Variants in NOSTRIN observed in about 807,000 individuals in gnomAD.
NOSTRIN encodes BM247 homolog.
Under a neutral mutation model 59.0 loss-of-function variants are expected in NOSTRIN, and 63 were observed. The ratio of observed to expected loss-of-function variants is 1.07; its 90% CI spans 0.87 to 1.32. The LOEUF is 1.32. Among genes scored for constraint, NOSTRIN ranks in the 40% most tolerant of loss-of-function variants. The pLI, the probability that NOSTRIN is intolerant of heterozygous loss-of-function variation, is 0.00. For synonymous variants in NOSTRIN, 200 were observed against 165.4 expected (o/e 1.21, Z -1.61); for missense variants, 512 against 473.1 (o/e 1.08, Z -0.76).
At chr2:168,839,377 C>CCTACATAACT (rs1293768317) in intron 7 of NOSTRIN, among the ~76,000 whole-genome samples, 1 of 152,030 alleles carries the variant, frequency 6.6e-6, no homozygotes, top group Non-Finnish European at 1.5e-5. Flanking sequence ...TCCAGTGGTA[C>CCTACATAACT]CTACATAACT....
intron 7 of NOSTRIN, among the ~76,000 whole-genome samples, chr2:168,835,859 G>T (rs481067): frequency 0.36 from 54,646 of 151,950 alleles, 10,430 homozygotes; most frequent in South Asian, 0.6. Context: ...ATAATATTGG[G>T]GTACAGGAAC....
At chr2:168,800,588 G>A (rs530576624), upstream of NOSTRIN, among the ~76,000 whole-genome samples, 3 of 152,270 alleles carry the variant, frequency 2.0e-5, no homozygotes, top group African/African-American at 7.2e-5. Context: ...CACACATGAG[G>A]AGTTTGGGGA....
chr2:168,854,550 C>G (rs948618487), intron 10 of NOSTRIN, among the ~76,000 whole-genome samples: 1 of 152,128 alleles, frequency 6.6e-6, no homozygotes, highest in African/African-American at 2.4e-5. Flanking sequence ...GATAAAATTC[C>G]TACATCAGCC....
chr2:168,834,083 A>T (rs1243518955), intron 6 of NOSTRIN, 144 bp from the exon 7 acceptor site: 2 of 568,626 alleles, frequency 3.5e-6, no homozygotes, highest in Non-Finnish European at 6.3e-6. Flanking sequence ...AAAAGTACAC[A>T]TTTTTGTTTC....
At chr2:168,791,091 A>G (rs760350502) in intron 2 of NOSTRIN, among the ~76,000 whole-genome samples, 2 of 152,142 alleles carry the variant, frequency 1.3e-5, no homozygotes, top group Non-Finnish European at 1.5e-5. Flanking sequence ...TGCTGCACCC[A>G]TTAACTCATC....
At chr2:168,857,639 T>C (rs984184767) in intron 12 of NOSTRIN, among the ~76,000 whole-genome samples, 9 of 152,248 alleles carry the variant, frequency 5.9e-5, no homozygotes, top group African/African-American at 1.9e-4. Context: ...TGAACAGATA[T>C]ATAGCACCAG....
intron 2 of NOSTRIN, among the ~76,000 whole-genome samples, chr2:168,791,256 C>T (rs1685344983): frequency 1.3e-5 from 2 of 152,110 alleles, no homozygotes; most frequent in Non-Finnish European, 2.9e-5. Context: ...GGTTTTTTGT[C>T]CTTGCAATAG....
chr2:168,805,077 C>T (rs976790981), intron 1 of NOSTRIN, among the ~76,000 whole-genome samples: 3 of 152,092 alleles, frequency 2.0e-5, no homozygotes, highest in African/African-American at 4.8e-5. Flanking sequence ...TTTAACCCTA[C>T]GCTACTTAAA....
chr2:168,842,117 C>G (rs1688143662), intron 7 of NOSTRIN, among the ~76,000 whole-genome samples: 1 of 152,118 alleles, frequency 6.6e-6, no homozygotes, highest in Non-Finnish European at 1.5e-5. Flanking sequence ...GAAAGTGAGA[C>G]TAATATTTTT....
intron 1 of NOSTRIN, among the ~76,000 whole-genome samples, chr2:168,809,027 T>A (rs1418868792): frequency 6.6e-6 from 1 of 152,192 alleles, no homozygotes; most frequent in Non-Finnish European, 1.5e-5. Flanking sequence ...AACATAAAAG[T>A]GTTTCATAAT....
In NOSTRIN at chr2:168,865,238, C is replaced by A. The variant is rs1689795238; in HGVS notation, c.*268C>A. 2.9e-6 allele frequency: 1 copy of A among 346,226 alleles called. No individual in the cohort carries two copies. Among genetic ancestry groups the A allele is most frequent in the Admixed American group, 4.4e-5 (1 of 22,814 alleles). The allele number at this position is 346,226 out of a possible 1,614,324, so 21.4% of individuals were successfully genotyped here. On this transcript the variant is annotated 3_prime_UTR_variant, in exon 16 of 16. Coordinates refer to ENST00000317647, the MANE Select transcript of NOSTRIN (RefSeq NM_001039724.4). ...ACCCTAGAGATGATCCAGTATAACC[C>A]CTGGTGTCACAGAAACAGACGGAGT... is the stretch of plus-strand genomic sequence containing the variant.
chr2:168,800,278 C>G (rs1245075327), upstream of NOSTRIN, among the ~76,000 whole-genome samples: 1 of 152,182 alleles, frequency 6.6e-6, no homozygotes, highest in East Asian at 1.9e-4. Flanking sequence ...ATTTGTGAAC[C>G]AAATAAAGTC....
intron 3 of NOSTRIN, among the ~76,000 whole-genome samples, chr2:168,827,292 A>G (rs1039449954): frequency 2.6e-5 from 4 of 152,132 alleles, no homozygotes; most frequent in Non-Finnish European, 5.9e-5. Context: ...CTATGCCATG[A>G]GGGACTGGGT....
chr2:168,797,075 T>TTTTC (rs1217767571), upstream of NOSTRIN, among the ~76,000 whole-genome samples: 1 of 52,852 alleles, frequency 1.9e-5, no homozygotes, highest in Non-Finnish European at 4.0e-5. Context: ...TCTTTTTCTT[T>TTTTC]TTTCTTTTTT....
chr2:168,839,065 G>A lies in NOSTRIN; in HGVS notation c.505-3927G>A, dbSNP rs117945234. On this transcript the variant is annotated intron_variant, in intron 7 of 15. Transcript: ENST00000317647. ...CTCCCAAAGTGCTGGGATTACGGGC[G>A]TGAACCACCACACCCAGCCAGGAAA... Among the ~76,000 whole-genome samples the A allele has an allele frequency of 1.3e-3, 203 of 152,206 alleles. 1 individual carries two copies. In the East Asian group the frequency reaches 0.032, roughly 24 times the overall value.
chr2:168,860,429 G>C (rs1245392657), intron 13 of NOSTRIN, among the ~76,000 whole-genome samples: 4 of 152,302 alleles, frequency 2.6e-5, no homozygotes, highest in Non-Finnish European at 4.4e-5. Flanking sequence ...CCAGAACTTT[G>C]GGAGGCCAAG....
chr2:168,833,048 T>A (rs1169259582), intron 6 of NOSTRIN, among the ~76,000 whole-genome samples: 1 of 152,250 alleles, frequency 6.6e-6, no homozygotes, highest in African/African-American at 2.4e-5. Flanking sequence ...AAAAAACATC[T>A]TTTATCATTT....
intron 2 of NOSTRIN, among the ~76,000 whole-genome samples, chr2:168,824,120 A>G (rs897722491): frequency 1.3e-5 from 2 of 152,198 alleles, no homozygotes; most frequent in Non-Finnish European, 2.9e-5. Flanking sequence ...CTGTCTTTTT[A>G]GGATCCTCTT....
chr2:168,787,291 C>T (rs1326342300), intron 1 of NOSTRIN, among the ~76,000 whole-genome samples: 1 of 152,192 alleles, frequency 6.6e-6, no homozygotes, highest in Non-Finnish European at 1.5e-5. Flanking sequence ...ACCTTCCACT[C>T]CATCCTCATC....
Sources: allele counts gnomAD v4.1 joint callset (sites outside exome capture counted in the v4.1 genomes callset), GRCh38; gene constraint gnomAD v4.1.1; transcripts MANE v1.5; gene names NCBI Gene and HGNC (gene_info 2026-07-23, HGNC 2026-07-21).